Variants in POMK observed in about 807,000 individuals in gnomAD.
The protein encoded by POMK is protein O-mannose kinase.
In POMK, 19 loss-of-function variants were observed where a neutral mutation model predicts 23.0. The observed-to-expected ratio is 0.83, with a 90% CI of 0.58 to 1.21. The LOEUF (loss-of-function observed/expected upper bound fraction) is 1.21, where lower values mean the gene tolerates loss of function less well. Among genes scored for constraint, POMK ranks in the 50% most tolerant of loss-of-function variants. The pLI is 0.00. For missense variants in POMK, 410 were observed against 431.3 expected (o/e 0.95, Z 0.44); for synonymous variants, 173 against 171.6 (o/e 1.01, Z -0.06).
At chr8:43,112,192 C>G (rs1811686368) in intron 4 of POMK, among the ~76,000 whole-genome samples, 1 of 152,122 alleles carries the variant, frequency 6.6e-6, no homozygotes, top group Admixed American at 6.6e-5. Context: ...GAATGGCTAA[C>G]TAGAATAACC....
At chr8:43,108,831 T>C (rs1811593372) in intron 4 of POMK, among the ~76,000 whole-genome samples, 1 of 152,232 alleles carries the variant, frequency 6.6e-6, no homozygotes, top group South Asian at 2.1e-4. Flanking sequence ...AAAAGCATTT[T>C]AGGGAAGCCA....
chr8:43,095,392 C>G (rs1342530552), intron 1 of POMK, among the ~76,000 whole-genome samples: 2 of 151,474 alleles, frequency 1.3e-5, no homozygotes, highest in African/African-American at 4.9e-5. Context: ...TTGTTTTTGC[C>G]GAGAGAGGAT....
At chr8:43,107,471 T>TTC (rs910423688) in intron 4 of POMK, among the ~76,000 whole-genome samples, 1 of 151,410 alleles carries the variant, frequency 6.6e-6, no homozygotes, top group African/African-American at 2.4e-5. Flanking sequence ...GCCTCCCGGG[T>TTC]TCAAGCAGTT....
intron 4 of POMK, among the ~76,000 whole-genome samples, chr8:43,119,684 G>A (rs1408481565): frequency 6.6e-6 from 1 of 151,832 alleles, no homozygotes; most frequent in East Asian, 1.9e-4. Flanking sequence ...CTCTTGCCTC[G>A]GCTCCCAAAG....
intron 1 of POMK, among the ~76,000 whole-genome samples, chr8:43,093,970 C>T (rs1554521920): frequency 6.6e-6 from 1 of 152,206 alleles, no homozygotes; most frequent in Non-Finnish European, 1.5e-5. Flanking sequence ...TTATCTACTC[C>T]GGAGGCTGAG....
intron 1 of POMK, among the ~76,000 whole-genome samples, chr8:43,095,966 G>A (rs139716508): frequency 1.3e-3 from 194 of 152,326 alleles, no homozygotes; most frequent in African/African-American, 4.5e-3. Flanking sequence ...GACAGGAGCC[G>A]TGAGGAGAGG....
At position 43,123,000 on chromosome 8, in the gene POMK, G is replaced by A. The variant is rs1811955478; in HGVS notation, c.*123G>A. 1.2e-6 allele frequency: 1 copy of A among 828,366 alleles called. No individual in the cohort carries two copies. 51.3% of individuals were successfully genotyped at this position (828,366 alleles called of 1,614,324 possible). On this transcript the variant is annotated 3_prime_UTR_variant, in exon 5 of 5. Transcript: ENST00000331373. ...ATTGTTTTTTTTATGGCTTAGCCATGTGGTTCGTTGTCCACATCCACATGT... is the reference window on the plus strand; with the variant it reads ...ATTGTTTTTTTTATGGCTTAGCCATATGGTTCGTTGTCCACATCCACATGT...
At chr8:43,099,041 G>A (rs1811388409) in intron 2 of POMK, among the ~76,000 whole-genome samples, 2 of 152,190 alleles carry the variant, frequency 1.3e-5, no homozygotes, top group South Asian at 4.1e-4. Context: ...TGGTCTCCTG[G>A]ACTCAAATGA....
intron 1 of POMK, among the ~76,000 whole-genome samples, chr8:43,095,808 C>A (rs955868707): frequency 6.6e-6 from 1 of 152,142 alleles, no homozygotes; most frequent in Non-Finnish European, 1.5e-5. Context: ...AAGCTTCAGG[C>A]CCCATAAAAC....
At chr8:43,116,282 T>C (rs1811796834) in intron 4 of POMK, among the ~76,000 whole-genome samples, 1 of 152,228 alleles carries the variant, frequency 6.6e-6, no homozygotes, top group Non-Finnish European at 1.5e-5. Flanking sequence ...TATATTCTTT[T>C]TCTTTTCAGA....
intron 4 of POMK, among the ~76,000 whole-genome samples, chr8:43,118,769 C>T (rs1212864250): frequency 6.6e-6 from 1 of 152,092 alleles, no homozygotes; most frequent in Non-Finnish European, 1.5e-5. Flanking sequence ...GGATCAGGAG[C>T]CCTGGGGCCT....
rs538320198 is a variant in POMK, at chr8:43,120,987, G to A, written c.283-1120G>A. Among the ~76,000 whole-genome samples, 3 of 152,272 alleles carry A rather than the reference G, an allele frequency of 2.0e-5. No homozygotes were observed. In the South Asian group the frequency reaches 6.2e-4, roughly 32 times the overall value. On this transcript the variant is annotated intron_variant, in intron 4 of 4. Transcript: ENST00000331373. ...CCACCACGCCTGGCCCACCCTGCTA[G>A]TTTCTAAAAAATGTTTTGTAGAGAT...
At position 43,123,055 on chromosome 8, in the gene POMK, A is replaced by T; in HGVS notation, c.*178A>T. On this transcript the variant is annotated 3_prime_UTR_variant, in exon 5 of 5. Coordinates refer to ENST00000331373, the MANE Select transcript of POMK (RefSeq NM_032237.5). ...TTGTATGTAGTCCACATTGGTTGTT[A>T]GATTTTTTTTTTTTTCTTTGAGATG... The T allele has an allele frequency of 1.7e-6, 1 of 592,126 alleles. No homozygotes were observed. Among genetic ancestry groups the T allele is most frequent in the Non-Finnish European group, 2.9e-6 (1 of 343,098 alleles). 36.7% of individuals were successfully genotyped at this position (592,126 alleles called of 1,614,324 possible).
At position 43,108,968 on chromosome 8, in the gene POMK, G is replaced by A. The variant is rs138291315; in HGVS notation, c.282+5138G>A. 5.3e-3 allele frequency among the ~76,000 whole-genome samples: 802 copies of A among 152,244 alleles called. 5 individuals are homozygous for A. The highest frequency in any genetic ancestry group is 0.017 in the African/African-American group (686 of 41,532). On this transcript the variant is annotated intron_variant, in intron 4 of 4. Transcript: ENST00000331373. The stretch of plus-strand genomic sequence containing the variant: ...GGAATTTTATACAGTTTTGCAGCAC[G>A]TAACTTTATATCACAAATTTATATG...
intron 4 of POMK, among the ~76,000 whole-genome samples, chr8:43,116,736 A>G (rs1395570485): frequency 6.6e-6 from 1 of 152,214 alleles, no homozygotes; most frequent in Non-Finnish European, 1.5e-5. Flanking sequence ...CCTACTACTG[A>G]TATCATAGTT....
chr8:43,110,676 G>A (rs1487710553), intron 4 of POMK, among the ~76,000 whole-genome samples: 3 of 152,180 alleles, frequency 2.0e-5, no homozygotes, highest in Admixed American at 1.3e-4. Flanking sequence ...CCAGCACTTT[G>A]GGAGGCCGGG....
intron 4 of POMK, 32 bp downstream of exon 4, chr8:43,103,862 T>C: frequency 1.2e-6 from 2 of 1,607,452 alleles, no homozygotes; most frequent in Non-Finnish European, 1.7e-6. Context: ...ATTGCTGTCA[T>C]CCTGTTATTT....
intron 4 of POMK, among the ~76,000 whole-genome samples, chr8:43,108,038 CA>C (rs1371261350): frequency 6.6e-6 from 1 of 152,164 alleles, no homozygotes; most frequent in Non-Finnish European, 1.5e-5. Context: ...AACTCTGTTC[CA>C]TAAGGAATCT....
chr8:43,111,437 G>A (rs1464044240), intron 4 of POMK, among the ~76,000 whole-genome samples: 1 of 152,236 alleles, frequency 6.6e-6, no homozygotes, highest in Non-Finnish European at 1.5e-5. Context: ...CTCAAACTGG[G>A]TGGAGCCCAC....
Sources: allele counts gnomAD v4.1 joint callset (sites outside exome capture counted in the v4.1 genomes callset), GRCh38; gene constraint gnomAD v4.1.1; transcripts MANE v1.5; gene names NCBI Gene and HGNC (gene_info 2026-07-23, HGNC 2026-07-21).